Variants in TRPM7 observed in about 807,000 individuals in gnomAD.
TRPM7 encodes LTRPC ion channel family member 7.
TRPM7 carries 134 observed loss-of-function variants against 229.7 expected under a neutral mutation model. That is an observed-to-expected ratio of 0.58 (90% confidence interval 0.51 to 0.67). The LOEUF (loss-of-function observed/expected upper bound fraction) is 0.67, where lower values mean the gene tolerates loss of function less well. Ranked by LOEUF, TRPM7 falls within the 30% of genes least tolerant of loss-of-function variation. The pLI, the probability that TRPM7 is intolerant of heterozygous loss-of-function variation, is 0.00. For missense variants in TRPM7, 1,901 were observed against 2,210.0 expected (o/e 0.86, Z 2.80); for synonymous variants, 699 against 715.2 (o/e 0.98, Z 0.36).
intron 26 of TRPM7, 85 bp downstream of exon 26, chr15:50,591,826 T>C (rs2059502746): frequency 1.0e-6 from 1 of 977,170 alleles, no homozygotes; most frequent in Non-Finnish European, 1.5e-6. Context: ...GAAAAGATAA[T>C]GACTTGTAAC....
At chr15:50,615,929 A>C (rs2060211023) in intron 13 of TRPM7, among the ~76,000 whole-genome samples, 1 of 152,178 alleles carries the variant, frequency 6.6e-6, no homozygotes, top group Non-Finnish European at 1.5e-5. Context: ...TTCATCTGTG[A>C]AATTTCTAAT....
At chr15:50,649,990 T>C (rs1198386134) in intron 3 of TRPM7, among the ~76,000 whole-genome samples, 2 of 149,944 alleles carry the variant, frequency 1.3e-5, no homozygotes, top group African/African-American at 2.5e-5. Flanking sequence ...AGGTCAGGAG[T>C]TCGATACCAT....
rs543390481 is a variant in TRPM7 at position 50,600,303 on chromosome 15, G to A, written c.2989-1007C>T. Among the ~76,000 whole-genome samples, 76 of 152,120 alleles carry A rather than the reference G, an allele frequency of 5.0e-4. No homozygotes were observed. In the East Asian group the frequency reaches 7.2e-3, roughly 14 times the overall value. On this transcript the variant is annotated intron_variant, in intron 21 of 38. Transcript: ENST00000646667. Reference sequence around the variant, plus strand: ...AATATAAAACTTAGCCGGGCGTGGCGGCACACTCCTGTAATCCCAGCTACT... The same window carrying A: ...AATATAAAACTTAGCCGGGCGTGGCAGCACACTCCTGTAATCCCAGCTACT...
At chr15:50,685,006 T>A (rs2140994675) in intron 1 of TRPM7, among the ~76,000 whole-genome samples, 1 of 152,366 alleles carries the variant, frequency 6.6e-6, no homozygotes, top group Non-Finnish European at 1.5e-5. Context: ...TTTTTAGACA[T>A]AAACACAATA....
At chr15:50,593,453 T>C (rs1014411141) in intron 25 of TRPM7, among the ~76,000 whole-genome samples, 164 bp downstream of exon 25, 4 of 152,190 alleles carry the variant, frequency 2.6e-5, no homozygotes, top group South Asian at 4.1e-4. Context: ...AACTGACTTA[T>C]ATGAAGTATT....
rs34590459 is a variant in TRPM7 at position 50,682,173 on chromosome 15, C to CAAAAAAAAAAAAAAAAAAAAAA, written c.3+4357_3+4358insTTTTTTTTTTTTTTTTTTTTTT. ...TGGGCAAAAGAGCAAAACTCAGTCT[C>CAAAAAAAAAAAAAAAAAAAAAA]AAAAAAAAAAAAAAAAAAGGACTGT... On this transcript the variant is annotated intron_variant, in intron 1 of 38. Coordinates refer to ENST00000646667, the MANE Select transcript of TRPM7 (RefSeq NM_017672.6). Among the ~76,000 whole-genome samples, 35 of 63,666 alleles carry CAAAAAAAAAAAAAAAAAAAAAA rather than the reference C, an allele frequency of 5.5e-4. 3 individuals are homozygous for CAAAAAAAAAAAAAAAAAAAAAA. The highest frequency in any genetic ancestry group is 8.1e-4 in the Non-Finnish European group (29 of 35,824). The allele number at this position is 63,666 out of a possible 152,430, so 41.8% of individuals were successfully genotyped here. A position where few individuals can be genotyped will look rare whatever the true frequency, so the allele number is the denominator to read the frequency against.
chr15:50,575,579 C>T, intron 33 of TRPM7, 145 bp downstream of exon 33: 2 of 697,476 alleles, frequency 2.9e-6, no homozygotes, highest in Non-Finnish European at 4.6e-6. Flanking sequence ...TTCAAACATA[C>T]CTCACCCTTG....
chr15:50,574,081 CA>C (rs2054022199), intron 36 of TRPM7, among the ~76,000 whole-genome samples, 192 bp downstream of exon 36: 2 of 151,234 alleles, frequency 1.3e-5, no homozygotes. Flanking sequence ...GGCGGGGGAA[CA>C]AAAAAAGATA....
At chr15:50,593,900 C>G (rs1418260274) in intron 24 of TRPM7, 151 bp from the exon 25 acceptor site, 1 of 736,056 alleles carries the variant, frequency 1.4e-6, no homozygotes, top group Non-Finnish European at 2.1e-6. Flanking sequence ...AAGCACTAGA[C>G]AATTATCTTT....
At chr15:50,589,270 G>A (rs1031476166) in intron 27 of TRPM7, among the ~76,000 whole-genome samples, 7 of 141,848 alleles carry the variant, frequency 4.9e-5, no homozygotes, top group Admixed American at 1.6e-4. Context: ...TGCAGTAAGC[G>A]GAGATCACAC....
At position 50,657,922 on chromosome 15, in the gene TRPM7, T is replaced by G. The variant is rs1035881488; in HGVS notation, c.84-103A>C. On this transcript the variant is annotated intron_variant, in intron 2 of 38. Coordinates refer to ENST00000646667, the MANE Select transcript of TRPM7 (RefSeq NM_017672.6). The stretch of plus-strand genomic sequence containing the variant: ...TACAAAACAAAAAAAATTATATACC[T>G]AGTTTAATTTTTCAGTAGATATTAT... 3.3e-4 allele frequency: 262 copies of G among 785,184 alleles called. 3 individuals are homozygous for G. The highest frequency in any genetic ancestry group is 1.1e-4 in the Admixed American group (4 of 36,174). The allele number at this position is 785,184 out of a possible 1,614,324, so 48.6% of individuals were successfully genotyped here.
chr15:50,658,571 CAA>C (rs774950805), intron 2 of TRPM7, among the ~76,000 whole-genome samples: 26 of 101,706 alleles, frequency 2.6e-4, no homozygotes, highest in Admixed American at 3.1e-4. Context: ...GAAACTGTCT[CAA>C]AAAAAAAAAA....
intron 21 of TRPM7, among the ~76,000 whole-genome samples, chr15:50,602,200 G>A (rs2140419955): frequency 6.6e-6 from 1 of 152,198 alleles, no homozygotes; most frequent in East Asian, 1.9e-4. Context: ...ATACTATGTA[G>A]CCATAAAAAA....
chr15:50,625,980 C>T (rs950281676), intron 11 of TRPM7, among the ~76,000 whole-genome samples: 6 of 152,088 alleles, frequency 3.9e-5, no homozygotes, highest in Non-Finnish European at 8.8e-5. Flanking sequence ...TTATTACTTA[C>T]TCTAACAGTA....
At chr15:50,612,450 T>C (rs2060086418) in intron 16 of TRPM7, 99 bp downstream of exon 16, 3 of 1,013,786 alleles carry the variant, frequency 3.0e-6, no homozygotes, top group Non-Finnish European at 4.3e-6. Context: ...ATTATACATA[T>C]AAATACATCA....
chr15:50,585,048 G>GTTTTTTTTTTTTTTTTTTTTTTT (rs1488163306), intron 28 of TRPM7, among the ~76,000 whole-genome samples: 1 of 85,790 alleles, frequency 1.2e-5, no homozygotes, highest in Non-Finnish European at 2.4e-5. Flanking sequence ...GCTAATTTTT[G>GTTTTTTTTTTTTTTTTTTTTTTT]TATTTTTTTT....
At chr15:50,610,156 T>C (rs188783199) in intron 17 of TRPM7, among the ~76,000 whole-genome samples, 195 bp from the exon 18 acceptor site, 4 of 152,266 alleles carry the variant, frequency 2.6e-5, no homozygotes, top group African/African-American at 7.2e-5. Flanking sequence ...GGCCCAAGTT[T>C]AACTGTTTTA....
At position 50,648,853 on chromosome 15, in the gene TRPM7, G is replaced by A. The variant is rs747173817; in HGVS notation, c.155C>T (p.Ala52Val). 6.2e-7 allele frequency: 1 copy of A among 1,611,688 alleles called. No homozygotes were observed. The highest frequency in any genetic ancestry group is 8.5e-7 in the Non-Finnish European group (1 of 1,178,712). ...CATGGCAAGACTTGCAGTAAAACAA[G>A]CATGTTGCTTGACCAAGCGACCACA... Reference protein sequence around the residue: ...CFCGRLVKQHACFTASLAMKY... With the variant: ...CFCGRLVKQHVCFTASLAMKY... Residue 52 changes from alanine (A) to valine (V), a missense_variant, in exon 4 of 39, where the codon GCT becomes GTT. Physicochemically the swap from Ala to Val is moderately conservative, Grantham distance 64 (BLOSUM62 0). Around this residue, in one of 8 missense-constraint regions of TRPM7, gnomAD observed 794 missense variants for 881.9 expected, o/e 0.90. Coordinates refer to ENST00000646667, the MANE Select transcript of TRPM7 (RefSeq NM_017672.6).
At position 50,601,079 on chromosome 15, in the gene TRPM7, A is replaced by C. The variant is rs550409007; in HGVS notation, c.2989-1783T>G. On this transcript the variant is annotated intron_variant, in intron 21 of 38. Transcript: ENST00000646667. ...ATTTTAAAAGGCAAAAAAAGTATTAAAACATTATTCATGCTATTTGATATA... is the reference window on the plus strand; with the variant it reads ...ATTTTAAAAGGCAAAAAAAGTATTACAACATTATTCATGCTATTTGATATA... 3.9e-5 allele frequency among the ~76,000 whole-genome samples: 6 copies of C among 152,358 alleles called. No individual in the cohort carries two copies. The East Asian group carries it at 7.7e-4, about 20-fold the overall frequency.
Sources: allele counts gnomAD v4.1 joint callset (sites outside exome capture counted in the v4.1 genomes callset), GRCh38; gene constraint gnomAD v4.1.1; regional missense constraint gnomAD v4.1.1; transcripts MANE v1.5; gene names NCBI Gene and HGNC (gene_info 2026-07-23, HGNC 2026-07-21).